ELP2: variants seen among roughly 807,000 people sequenced by gnomAD.
ELP2 encodes elongator acetyltransferase complex subunit 2.
ELP2 carries 90 observed loss-of-function variants against 119.2 expected under a neutral mutation model. That is an observed-to-expected ratio of 0.75 (90% CI 0.64 to 0.90). ELP2 has a LOEUF of 0.90. ELP2 is among the 40% of genes least tolerant of loss of function. The pLI is 0.00. For synonymous variants in ELP2, 339 were observed against 331.0 expected, an observed-to-expected ratio of 1.02 and a Z score of -0.26; for missense variants, 921 against 967.8, an observed-to-expected ratio of 0.95 and a Z score of 0.64.
intron 1 of ELP2, among the ~76,000 whole-genome samples, chr18:36,131,015 A>AT (rs1228189923): frequency 6.8e-6 from 1 of 147,736 alleles, no homozygotes; most frequent in Non-Finnish European, 1.5e-5. Flanking sequence ...CAAAAAGTTT[A>AT]AAAAAAAAAA....
At chr18:36,132,521 A>G (rs1403607802) in intron 1 of ELP2, among the ~76,000 whole-genome samples, 1 of 152,226 alleles carries the variant, frequency 6.6e-6, no homozygotes, top group Non-Finnish European at 1.5e-5. Flanking sequence ...GCCGTTGACA[A>G]CAGATAGAGA....
Position 36,170,190 on chromosome 18 carries a change from C to T in ELP2, c.2204C>T (p.Ser735Phe), listed in dbSNP as rs967241074. The T allele has an allele frequency of 1.2e-6, 2 of 1,614,200 alleles. No individual in the cohort carries two copies. The highest frequency in any genetic ancestry group is 2.2e-5 in the South Asian group (2 of 91,084). Reference protein sequence around the residue: ...AVSVCPVLHPSQRYVVAVGLE... With the variant: ...AVSVCPVLHPFQRYVVAVGLE... ...AGCGTCTGCCCAGTGCTCCACCCTT[C>T]TCAACGGTCAGTCTCTGTGTGGGGC... The change falls in exon 20 of 22, where the codon TCT becomes TTT. Residue 735 changes from serine (S) to phenylalanine (F), a missense_variant. Coordinates refer to ENST00000358232, the MANE Select transcript of ELP2 (RefSeq NM_018255.4).
intron 20 of ELP2, 152 bp from the exon 21 acceptor site, chr18:36,170,895 G>A: frequency 1.4e-6 from 1 of 692,440 alleles, no homozygotes; most frequent in Non-Finnish European, 2.7e-6. Context: ...GAGGACACAG[G>A]AGAGCAGTGC....
Position 36,138,334 on chromosome 18 carries a change from A to G in ELP2, c.353A>G (p.Gln118Arg). 2 of 1,614,142 alleles carry G rather than the reference A, an allele frequency of 1.2e-6. No individual in the cohort carries two copies. Among genetic ancestry groups the G allele is most frequent in the Non-Finnish European group, 1.7e-6 (2 of 1,179,990 alleles). ...GPVYAVHAVY[Q>R]RRTSDPALCT... ...GTTTATGCGGTGCATGCTGTTTACC[A>G]GAGGAGGACATCAGATCCTGCATTA... Residue 118 changes from glutamine (Q) to arginine (R), a missense_variant, in exon 4 of 22, where the codon CAG becomes CGG. Physicochemically the swap from Gln to Arg is conservative, Grantham distance 43. Transcript: ENST00000358232.
At chr18:36,157,965 C>T (rs1246847012) in intron 13 of ELP2, among the ~76,000 whole-genome samples, 1 of 152,140 alleles carries the variant, frequency 6.6e-6, no homozygotes, top group Admixed American at 6.6e-5. Context: ...GTTCTGTGTC[C>T]TAAGATACAG....
Position 36,142,917 on chromosome 18 carries a change from T to G in ELP2, c.747T>G (p.Asp249Glu). 1 of 1,598,244 alleles carries G rather than the reference T, an allele frequency of 6.3e-7. No individual in the cohort carries two copies. The highest frequency in any genetic ancestry group is 8.6e-7 in the Non-Finnish European group (1 of 1,168,652). ...YIKSTSLETQ[D>E]DDNIRLKENT... ...AGTCAACATCTTTAGAAACTCAGGA[T>G]GACGATAACATAAGACTGAAAGAAA... is the stretch of plus-strand genomic sequence containing the variant. The change falls in exon 8 of 22, where the codon GAT (aspartate) becomes GAG (glutamate). Residue 249 changes from aspartate to glutamate, a missense_variant. Physicochemically the swap from Asp to Glu is conservative, Grantham distance 45. Coordinates refer to ENST00000358232, the MANE Select transcript of ELP2 (RefSeq NM_018255.4).
rs146886446 is a variant in ELP2 at position 36,171,210 on chromosome 18, G to A, written c.2324+50G>A. The A allele has an allele frequency of 6.8e-5, 90 of 1,324,274 alleles. No individual in the cohort carries two copies. In the African/African-American group the frequency reaches 1.1e-3, roughly 15 times the overall value. The allele number at this position is 1,324,274 out of a possible 1,614,324, so 82.0% of individuals were successfully genotyped here. ...CATCAGATTAACTAGAAATTGTGGG[G>A]TCTTTCATGGCAAATTTTATGCCAC... On this transcript the variant is annotated intron_variant, in intron 21 of 21. Transcript: ENST00000358232.
intron 8 of ELP2, 72 bp from the exon 9 acceptor site, chr18:36,144,867 C>G: frequency 7.8e-7 from 1 of 1,288,876 alleles, no homozygotes; most frequent in Non-Finnish European, 1.1e-6. Flanking sequence ...AATTGCCCAA[C>G]TGTCTTGGTT....
chr18:36,131,625 A>G (rs1567968853), intron 1 of ELP2, among the ~76,000 whole-genome samples: 2 of 152,246 alleles, frequency 1.3e-5, no homozygotes, highest in African/African-American at 4.8e-5. Flanking sequence ...CACGGTCCTG[A>G]GATGTTTACG....
intron 11 of ELP2, among the ~76,000 whole-genome samples, chr18:36,146,737 C>T (rs554027264): frequency 3.3e-5 from 5 of 152,160 alleles, no homozygotes; most frequent in African/African-American, 7.2e-5. Flanking sequence ...AACACCTGGG[C>T]ATGGTGGCTC....
rs1023244050 is a variant in ELP2, at chr18:36,159,047, A to G, written c.1534+143A>G. ...TATCTTTTCTATCACCTATTTCGTG[A>G]TAAGTACTCTTTGTACACACTCAGA... On this transcript the variant is annotated intron_variant, in intron 14 of 21. Coordinates refer to ENST00000358232, the MANE Select transcript of ELP2 (RefSeq NM_018255.4). 7.8e-5 allele frequency: 52 copies of G among 670,778 alleles called. No individual in the cohort carries two copies. The African/African-American group carries it at 7.8e-4, about 10-fold the overall frequency. 41.6% of individuals were successfully genotyped at this position (670,778 alleles called of 1,614,324 possible). A position where few individuals can be genotyped will look rare whatever the true frequency, so the allele number is the denominator to read the frequency against.
intron 11 of ELP2, among the ~76,000 whole-genome samples, chr18:36,148,794 T>G (rs2090296109): frequency 6.6e-6 from 1 of 152,180 alleles, no homozygotes; most frequent in Admixed American, 6.5e-5. Flanking sequence ...GAGGATTGTG[T>G]GAGCCTGGGA....
In ELP2 at chr18:36,160,927, T is replaced by G; in HGVS notation, c.1689-5T>G. The G allele has an allele frequency of 6.2e-7, 1 of 1,604,656 alleles. No homozygotes were observed. ...AATAGTACTTTTTTTCTTTTTAAATTTTAGATATGGGCACGGTTATGAAAT... is the reference window on the plus strand; with the variant it reads ...AATAGTACTTTTTTTCTTTTTAAATGTTAGATATGGGCACGGTTATGAAAT... On this transcript the variant is annotated splice_polypyrimidine_tract_variant and splice_region_variant and intron_variant, in intron 16 of 21. Transcript: ENST00000358232.
intron 5 of ELP2, 123 bp downstream of exon 5, chr18:36,138,995 G>GTGAA: frequency 1.3e-6 from 1 of 785,630 alleles, no homozygotes; most frequent in Non-Finnish European, 2.2e-6. Context: ...GAAACAAGAT[G>GTGAA]TGAATAACAT....
intron 18 of ELP2, among the ~76,000 whole-genome samples, chr18:36,166,447 C>T (rs1390683350): frequency 1.4e-5 from 2 of 147,674 alleles, no homozygotes; most frequent in Non-Finnish European, 3.0e-5. Context: ...TCTCCTGCCT[C>T]AGCCTCCTGA....
At position 36,133,732 on chromosome 18, in the gene ELP2, A is replaced by AT. The variant is rs200172610; in HGVS notation, c.217+419dup. Among the ~76,000 whole-genome samples, 40 of 46,324 alleles carry AT rather than the reference A, an allele frequency of 8.6e-4. No homozygotes were observed. The East Asian group carries it at 9.0e-3, about 10-fold the overall frequency. 30.4% of individuals were successfully genotyped at this position (46,324 alleles called of 152,430 possible). ...CTTTTATTTACTTATTTATTTATTTATTTATTTTTTTTTTGCCAACTAGTT... is the reference window on the plus strand; with the variant it reads ...CTTTTATTTACTTATTTATTTATTTATTTTATTTTTTTTTTGCCAACTAGTT... On this transcript the variant is annotated intron_variant, in intron 2 of 21. Transcript: ENST00000358232.
intron 5 of ELP2, chr18:36,139,896 G>T (rs1942186833): frequency 1.1e-5 from 2 of 174,930 alleles, no homozygotes; most frequent in African/African-American, 4.8e-5. Flanking sequence ...TGTCACTCAG[G>T]CTGGAGTGCA....
intron 11 of ELP2, among the ~76,000 whole-genome samples, chr18:36,147,975 C>T (rs1035507155): frequency 6.6e-6 from 1 of 152,140 alleles, no homozygotes; most frequent in African/African-American, 2.4e-5. Context: ...CAGGAACCTC[C>T]ATGTGCTTAG....
At chr18:36,169,811 T>C in intron 19 of ELP2, 1 of 525,522 alleles carries the variant, frequency 1.9e-6, no homozygotes, top group East Asian at 3.5e-5. Context: ...GACACCTCTC[T>C]GTGGTCTCTG....
Sources: allele counts gnomAD v4.1 joint callset (sites outside exome capture counted in the v4.1 genomes callset), GRCh38; gene constraint gnomAD v4.1.1; transcripts MANE v1.5; gene names NCBI Gene and HGNC (gene_info 2026-07-23, HGNC 2026-07-21).